The following KAZN variants were observed in gnomAD, a reference collection of about 807,000 sequenced individuals.
The protein encoded by KAZN is kazrin, periplakin interacting protein, also known as kazrin.
A neutral mutation model predicts 87.4 loss-of-function variants in KAZN; 40 were observed. The observed-to-expected ratio is 0.46, with a 90% CI of 0.36 to 0.60. KAZN has a LOEUF of 0.60. Among genes scored for constraint, KAZN ranks in the 20% least tolerant of loss-of-function variants. The pLI is 0.00. For missense variants in KAZN, 898 were observed against 1,073.9 expected, an observed-to-expected ratio of 0.84 and a Z score of 2.29; for synonymous variants, 466 against 458.3, an observed-to-expected ratio of 1.02 and a Z score of -0.22.
intron 2 of KAZN, among the ~76,000 whole-genome samples, chr1:14,408,701 T>C (rs1176947033): frequency 1.3e-5 from 2 of 152,162 alleles, no homozygotes; most frequent in Non-Finnish European, 2.9e-5. Context: ...AGGCCACATA[T>C]GATCATGTTG....
intron 2 of KAZN, among the ~76,000 whole-genome samples, chr1:14,494,741 GGA>G (rs1447843024): frequency 4.6e-5 from 7 of 152,198 alleles, no homozygotes; most frequent in African/African-American, 1.7e-4. Context: ...GCACCCTTCA[GGA>G]GTAAATATGT....
chr1:14,239,644 G>A (rs1648759672), intron 2 of KAZN, among the ~76,000 whole-genome samples: 1 of 151,748 alleles, frequency 6.6e-6, no homozygotes, highest in African/African-American at 2.4e-5. Context: ...ATTTTTAGTA[G>A]AGACAGGGTT....
At chr1:15,108,907 T>C (rs1641391334) in intron 13 of KAZN, among the ~76,000 whole-genome samples, 1 of 152,210 alleles carries the variant, frequency 6.6e-6, no homozygotes, top group Non-Finnish European at 1.5e-5. Context: ...ACCTTGGCCC[T>C]GTGCTTGGCT....
chr1:14,255,807 G>A (rs188973577), intron 2 of KAZN, among the ~76,000 whole-genome samples: 16 of 152,312 alleles, frequency 1.1e-4, no homozygotes, highest in Non-Finnish European at 2.1e-4. Context: ...TTAAATCACT[G>A]TGAGATTAAA....
chr1:13,994,699 G>T (rs372696942), intron 1 of KAZN, among the ~76,000 whole-genome samples: 7 of 152,136 alleles, frequency 4.6e-5, no homozygotes, highest in African/African-American at 1.7e-4. Flanking sequence ...TATTTGGTGG[G>T]GCAGTGTCCA....
intron 1 of KAZN, among the ~76,000 whole-genome samples, chr1:14,676,278 T>C (rs1005124880): frequency 6.6e-6 from 1 of 152,240 alleles, no homozygotes; most frequent in Non-Finnish European, 1.5e-5. Context: ...TGATCTGTCA[T>C]ATTCTGTTGG....
At chr1:14,922,563 G>A (rs1658642493) in intron 1 of KAZN, among the ~76,000 whole-genome samples, 1 of 152,094 alleles carries the variant, frequency 6.6e-6, no homozygotes, top group South Asian at 2.1e-4. Context: ...GGAGGCCGAG[G>A]CTGGCGCATC....
intron 2 of KAZN, among the ~76,000 whole-genome samples, chr1:15,012,495 C>G (rs935142711): frequency 3.3e-5 from 5 of 152,224 alleles, no homozygotes; most frequent in Admixed American, 1.3e-4. Context: ...AAAAAGTCTC[C>G]CTGGCTTTTT....
intron 2 of KAZN, among the ~76,000 whole-genome samples, chr1:14,392,200 G>A (rs1235002720): frequency 6.6e-6 from 1 of 152,162 alleles, no homozygotes; most frequent in Non-Finnish European, 1.5e-5. Context: ...TTCCAGAGAA[G>A]ACCACAAAAT....
chr1:14,122,363 C>T (rs1225096601), intron 1 of KAZN, among the ~76,000 whole-genome samples: 2 of 152,146 alleles, frequency 1.3e-5, no homozygotes, highest in Non-Finnish European at 2.9e-5. Flanking sequence ...GAATCAATAA[C>T]CTCTTCTGCC....
chr1:14,396,439 C>T (rs1662909172), intron 2 of KAZN, among the ~76,000 whole-genome samples: 1 of 152,132 alleles, frequency 6.6e-6, no homozygotes, highest in African/African-American at 2.4e-5. Flanking sequence ...GGGGAAATGC[C>T]CTTTACCAAA....
At chr1:14,672,511 G>C (rs147851304) in intron 1 of KAZN, among the ~76,000 whole-genome samples, 4 of 152,166 alleles carry the variant, frequency 2.6e-5, no homozygotes, top group African/African-American at 9.7e-5. Flanking sequence ...AAGCTCAGTC[G>C]TTTTAGATCC....
At chr1:14,799,958 T>C (rs1645955745) in intron 1 of KAZN, among the ~76,000 whole-genome samples, 1 of 152,200 alleles carries the variant, frequency 6.6e-6, no homozygotes, top group Non-Finnish European at 1.5e-5. Flanking sequence ...ATCAAAGTTA[T>C]AAGTATCTGA....
At chr1:14,394,880 G>A (rs1395875562) in intron 2 of KAZN, among the ~76,000 whole-genome samples, 2 of 152,244 alleles carry the variant, frequency 1.3e-5, no homozygotes, top group Non-Finnish European at 2.9e-5. Context: ...CACCCAGCTA[G>A]TGAGTGACAG....
intron 1 of KAZN, among the ~76,000 whole-genome samples, chr1:14,177,896 G>A (rs7544075): frequency 0.025 from 3,845 of 151,218 alleles, 167 homozygotes; most frequent in African/African-American, 0.088. Flanking sequence ...TAGGTTTATA[G>A]TTTTTATCAA....
At chr1:14,101,844 C>T (rs1644261540) in intron 1 of KAZN, among the ~76,000 whole-genome samples, 1 of 152,136 alleles carries the variant, frequency 6.6e-6, no homozygotes, top group Non-Finnish European at 1.5e-5. Context: ...GTTTGCTTAG[C>T]AAAACCTTTT....
rs757094659 is a variant in KAZN, at chr1:14,620,147, C to T, written c.226+20924C>T. 3.9e-5 allele frequency among the ~76,000 whole-genome samples: 6 copies of T among 152,176 alleles called. No individual in the cohort carries two copies. The South Asian group carries it at 6.2e-4, about 16-fold the overall frequency. Reference sequence around the variant, plus strand: ...TCTATGTATATATGCGTATTTTACACGTGTATGTATAGTCTCTACAAAAGT... The same window carrying T: ...TCTATGTATATATGCGTATTTTACATGTGTATGTATAGTCTCTACAAAAGT... On this transcript the variant is annotated intron_variant, in intron 1 of 14. Transcript: ENST00000376030.
intron 2 of KAZN, among the ~76,000 whole-genome samples, chr1:14,457,615 A>C (rs1667634996): frequency 6.6e-6 from 1 of 152,130 alleles, no homozygotes; most frequent in African/African-American, 2.4e-5. Flanking sequence ...TTTTTCAAGT[A>C]AGTTATCAAG....
At chr1:14,534,285 T>C (rs998837266) in intron 2 of KAZN, among the ~76,000 whole-genome samples, 7 of 152,220 alleles carry the variant, frequency 4.6e-5, no homozygotes, top group Non-Finnish European at 8.8e-5. Context: ...ATATATTCCA[T>C]GTCCAGGGCA....
Sources: gnomAD v4.1 joint callset for allele counts (sites outside exome capture counted in the v4.1 genomes callset) on GRCh38, gnomAD v4.1.1 for gene constraint, MANE v1.5 for transcripts, NCBI Gene and HGNC (gene_info 2026-07-23, HGNC 2026-07-21) for gene names.